The following GAB2 variants were observed in gnomAD, a reference collection of about 807,000 sequenced individuals.
The protein encoded by GAB2 is GRB2 associated binding protein 2.
GAB2 carries 26 observed loss-of-function variants against 65.5 expected under a neutral mutation model. That is an observed-to-expected ratio of 0.40 (90% CI 0.29 to 0.55). The LOEUF is 0.55. Ranked by LOEUF, GAB2 falls within the 20% of genes least tolerant of loss-of-function variation. The probability of loss-of-function intolerance (pLI) is 0.53; values close to 1 mark genes in which losing one functional copy is unlikely to be tolerated. For synonymous variants in GAB2, 321 were observed against 329.6 expected, an observed-to-expected ratio of 0.97 and a Z score of 0.28; for missense variants, 884 against 875.8, an observed-to-expected ratio of 1.01 and a Z score of -0.12.
At position 78,304,387 on chromosome 11, in the gene GAB2, A is replaced by C. The variant is rs182979424; in HGVS notation, c.76-23486T>G. Among the ~76,000 whole-genome samples the C allele has an allele frequency of 2.7e-3, 407 of 152,336 alleles. 8 individuals are homozygous for C. The highest frequency in any genetic ancestry group is 6.5e-4 in the Non-Finnish European group (44 of 68,020). ...TCTTCCCCTTCTTCCATCCCCTGGCAATTACTAATCTCCTATTAACCTTTT... is the reference window on the plus strand; with the variant it reads ...TCTTCCCCTTCTTCCATCCCCTGGCCATTACTAATCTCCTATTAACCTTTT... On this transcript the variant is annotated intron_variant, in intron 1 of 9. Transcript: ENST00000361507.
At chr11:78,278,916 C>T (rs940685197) in intron 2 of GAB2, among the ~76,000 whole-genome samples, 4 of 152,128 alleles carry the variant, frequency 2.6e-5, no homozygotes, top group African/African-American at 9.7e-5. Flanking sequence ...AAAAATGTTA[C>T]AGTGAACCAT....
chr11:78,226,426 T>G (rs1468997889), intron 4 of GAB2, 39 bp downstream of exon 4: 1 of 1,489,440 alleles, frequency 6.7e-7, no homozygotes, highest in Non-Finnish European at 9.4e-7. Context: ...CTGTGTTACC[T>G]CCTCCTCCCT....
At chr11:78,332,987 G>A (rs187370150) in intron 1 of GAB2, among the ~76,000 whole-genome samples, 13 of 152,230 alleles carry the variant, frequency 8.5e-5, no homozygotes, top group Admixed American at 8.5e-4. Context: ...ATCCCCTATA[G>A]CAGATCAAGA....
rs1288631621 is a variant in GAB2, at chr11:78,220,398, G to A, written c.1808C>T (p.Pro603Leu). 1.9e-6 allele frequency: 3 copies of A among 1,604,764 alleles called. No homozygotes were observed. In the African/African-American group the frequency reaches 4.0e-5, roughly 21 times the overall value. ...GCTGCCGGTGCTCTTCTTAGGGGCA[G>A]GACTGTTCGTGCCACTGGGAACGGG... is the stretch of plus-strand genomic sequence containing the variant. Reference protein sequence around the residue: ...ASPVPSGTNSPAPKKSTGSVD... With the variant: ...ASPVPSGTNSLAPKKSTGSVD... The change falls in exon 9 of 10, where the codon CCT becomes CTT. Residue 603 changes from proline (P) to leucine (L), a missense_variant. Pro to Leu is a moderately conservative substitution (Grantham distance 98). Transcript: ENST00000361507.
rs113379883 is a variant in GAB2 at position 78,243,931 on chromosome 11, C to T, written c.620+6226G>A. Reference sequence around the variant, plus strand: ...AGAAATGGATAAATTCCTGGACAAACACAACTTACCAAGATTGAACCCAAA... The same window carrying T: ...AGAAATGGATAAATTCCTGGACAAATACAACTTACCAAGATTGAACCCAAA... On this transcript the variant is annotated intron_variant, in intron 3 of 9. Coordinates refer to ENST00000361507, the MANE Select transcript of GAB2 (RefSeq NM_080491.3). Among the ~76,000 whole-genome samples the T allele has an allele frequency of 9.5e-3, 1,447 of 152,150 alleles. 41 individuals carry two copies. Among genetic ancestry groups the T allele is most frequent in the Admixed American group, 0.059 (907 of 15,270 alleles).
intron 2 of GAB2, among the ~76,000 whole-genome samples, chr11:78,272,720 G>A (rs187518606): frequency 1.3e-5 from 2 of 152,328 alleles, no homozygotes; most frequent in Non-Finnish European, 2.9e-5. Context: ...AGGAGGAGAC[G>A]AATGTTAATC....
At chr11:78,347,271 T>C (rs1444041847) in intron 1 of GAB2, among the ~76,000 whole-genome samples, 1 of 152,146 alleles carries the variant, frequency 6.6e-6, no homozygotes, top group Non-Finnish European at 1.5e-5. Context: ...GCCAACTTCA[T>C]AAGGTTGGGT....
At chr11:78,350,033 A>G (rs1432579358) in intron 1 of GAB2, among the ~76,000 whole-genome samples, 2 of 152,200 alleles carry the variant, frequency 1.3e-5, no homozygotes, top group Admixed American at 6.5e-5. Context: ...ATTCTCTTTG[A>G]GTTGGCTGTC....
chr11:78,231,146 AG>A (rs1419646630), intron 3 of GAB2, among the ~76,000 whole-genome samples: 2 of 152,238 alleles, frequency 1.3e-5, no homozygotes, highest in African/African-American at 4.8e-5. Flanking sequence ...GAGTTGGAGC[AG>A]GAAGATACTC....
intron 1 of GAB2, among the ~76,000 whole-genome samples, chr11:78,396,143 G>T (rs1397165889): frequency 6.6e-6 from 1 of 152,154 alleles, no homozygotes. Context: ...AAGGACAGAG[G>T]TGACAGCTTA....
In GAB2 at chr11:78,223,606, C is replaced by G; in HGVS notation, c.1373G>C (p.Gly458Ala). The change falls in exon 6 of 10, where the codon GGT becomes GCT. Residue 458 changes from glycine (G) to alanine (A), a missense_variant. By Grantham distance (60) the Gly-to-Ala change is moderately conservative. Coordinates refer to ENST00000361507, the MANE Select transcript of GAB2 (RefSeq NM_080491.3). ...TTCCATGGCCAACAGGGTGGAAGAA[C>G]CTGGATTCATGGGCACATAGTTGTC... The part of the protein sequence containing the change: ...SEDNYVPMNP[G>A]SSTLLAMERA... The G allele has an allele frequency of 1.2e-6, 2 of 1,613,590 alleles. No individual in the cohort carries two copies. Among genetic ancestry groups the G allele is most frequent in the Middle Eastern group, 1.7e-4 (1 of 6,058 alleles).
At chr11:78,297,082 C>G (rs1488457244) in intron 1 of GAB2, among the ~76,000 whole-genome samples, 1 of 152,140 alleles carries the variant, frequency 6.6e-6, no homozygotes, top group Non-Finnish European at 1.5e-5. Flanking sequence ...TCAGTCCATA[C>G]ATGGTGAGTA....
intron 2 of GAB2, among the ~76,000 whole-genome samples, chr11:78,261,067 G>GTATA (rs889646192): frequency 2.9e-5 from 4 of 136,102 alleles, no homozygotes; most frequent in Non-Finnish European, 4.5e-5. Flanking sequence ...ATGTATGTAT[G>GTATA]TATATATATA....
At chr11:78,227,690 C>T (rs1003190538) in intron 3 of GAB2, among the ~76,000 whole-genome samples, 1 of 149,492 alleles carries the variant, frequency 6.7e-6, no homozygotes, top group Non-Finnish European at 1.5e-5. Context: ...GTCCTAGCTT[C>T]TGGTGAGGCT....
chr11:78,291,561 CTTTTTT>C (rs1163199130), intron 1 of GAB2, among the ~76,000 whole-genome samples: 1 of 80,896 alleles, frequency 1.2e-5, no homozygotes, highest in East Asian at 3.8e-4. Flanking sequence ...TTTTCTTTTT[CTTTTTT>C]TTTTTTTTTT....
intron 1 of GAB2, among the ~76,000 whole-genome samples, chr11:78,358,058 A>G (rs952619079): frequency 3.3e-5 from 5 of 151,222 alleles, no homozygotes; most frequent in African/African-American, 1.2e-4. Context: ...ATGTCCATCA[A>G]TGATAGACTG....
rs897988298 is a variant in GAB2, at chr11:78,235,081, G to A, written c.621-8030C>T. 2.0e-5 allele frequency among the ~76,000 whole-genome samples: 3 copies of A among 152,240 alleles called. No individual in the cohort carries two copies. The South Asian group carries it at 6.2e-4, about 32-fold the overall frequency. ...CTGGAGACATTTTCCCCATGGTCTT[G>A]GAGATTAACATTAGGCTCCTTGCTA... On this transcript the variant is annotated intron_variant, in intron 3 of 9. Transcript: ENST00000361507.
At chr11:78,270,660 T>C (rs2134565154) in intron 2 of GAB2, among the ~76,000 whole-genome samples, 1 of 152,370 alleles carries the variant, frequency 6.6e-6, no homozygotes. Context: ...GCGTAAGTGT[T>C]GTATAGACTA....
At chr11:78,255,533 C>T (rs2134534272) in intron 2 of GAB2, among the ~76,000 whole-genome samples, 1 of 152,316 alleles carries the variant, frequency 6.6e-6, no homozygotes, top group Middle Eastern at 3.4e-3. Context: ...AGTACCCCTG[C>T]TACTTCTTCC....
Sources: gnomAD v4.1 joint callset for allele counts (sites outside exome capture counted in the v4.1 genomes callset) on GRCh38, gnomAD v4.1.1 for gene constraint, MANE v1.5 for transcripts, NCBI Gene and HGNC (gene_info 2026-07-23, HGNC 2026-07-21) for gene names.